Variants in KCNIP4 observed in about 807,000 individuals in gnomAD.
The protein encoded by KCNIP4 is Kv channel-interacting protein 4.
KCNIP4 carries 12 observed loss-of-function variants against 34.0 expected under a neutral mutation model. The ratio of observed to expected loss-of-function variants is 0.35; its 90% CI spans 0.23 to 0.57. The LOEUF (loss-of-function observed/expected upper bound fraction) is 0.57. Ranked by LOEUF, KCNIP4 falls within the 20% of genes least tolerant of loss-of-function variation. The probability of loss-of-function intolerance (pLI) is 0.83; values close to 1 mark genes in which losing one functional copy is unlikely to be tolerated. For missense variants in KCNIP4, 238 were observed against 311.7 expected (o/e 0.76, Z 1.78); for synonymous variants, 124 against 102.2 (o/e 1.21, Z -1.29).
intron 1 of KCNIP4, among the ~76,000 whole-genome samples, chr4:21,794,108 C>T (rs1577998283): frequency 6.6e-6 from 1 of 152,032 alleles, no homozygotes; most frequent in Non-Finnish European, 1.5e-5. Context: ...GAACATCACA[C>T]AATGGGGCCT....
At chr4:20,912,872 G>A (rs1195641814) in intron 1 of KCNIP4, among the ~76,000 whole-genome samples, 1 of 152,080 alleles carries the variant, frequency 6.6e-6, no homozygotes, top group Non-Finnish European at 1.5e-5. Flanking sequence ...AAAAAAGGAG[G>A]ACAATTATTT....
chr4:21,611,913 G>A (rs1744191600), intron 1 of KCNIP4, among the ~76,000 whole-genome samples: 1 of 152,134 alleles, frequency 6.6e-6, no homozygotes, highest in Non-Finnish European at 1.5e-5. Context: ...CAGGATCACT[G>A]TTTGCATTCT....
At position 21,153,495 on chromosome 4, in the gene KCNIP4, T is replaced by TTA. The variant is rs1378972866; in HGVS notation, c.62-270788_62-270787dup. On this transcript the variant is annotated intron_variant, in intron 1 of 8. Transcript: ENST00000382152. ...TATATATACATATATATGTGTATAT[T>TTA]TATATATATATGTGTGTGTGTATAT... Among the ~76,000 whole-genome samples, 207 of 124,460 alleles carry TTA rather than the reference T, an allele frequency of 1.7e-3. 2 individuals carry two copies. The highest frequency in any genetic ancestry group is 5.5e-3 in the African/African-American group (184 of 33,192). 81.7% of individuals were successfully genotyped at this position (124,460 alleles called of 152,430 possible).
intron 1 of KCNIP4, among the ~76,000 whole-genome samples, chr4:21,702,528 A>T (rs1451819166): frequency 6.6e-6 from 1 of 152,140 alleles, no homozygotes; most frequent in East Asian, 1.9e-4. Flanking sequence ...AAAAATACAA[A>T]CTAAAATAAT....
chr4:21,035,546 G>C (rs28609568), intron 1 of KCNIP4, among the ~76,000 whole-genome samples: 1 of 152,162 alleles, frequency 6.6e-6, no homozygotes, highest in African/African-American at 2.4e-5. Flanking sequence ...TTCATTGCTG[G>C]TGAGGTCTAG....
intron 1 of KCNIP4, among the ~76,000 whole-genome samples, chr4:21,128,167 G>C (rs1467002889): frequency 1.3e-5 from 2 of 152,118 alleles, no homozygotes; most frequent in Non-Finnish European, 2.9e-5. Flanking sequence ...GGAGAAACCA[G>C]AACAGCTTGA....
chr4:21,914,379 T>C (rs1473742326), intron 1 of KCNIP4, among the ~76,000 whole-genome samples: 1 of 152,074 alleles, frequency 6.6e-6, no homozygotes, highest in East Asian at 1.9e-4. Flanking sequence ...CGTTGTGAGA[T>C]GCAAAATCCC....
intron 1 of KCNIP4, among the ~76,000 whole-genome samples, chr4:21,903,933 C>T (rs1279703660): frequency 6.6e-6 from 1 of 152,110 alleles, no homozygotes; most frequent in East Asian, 1.9e-4. Flanking sequence ...TTTATCGTCT[C>T]ATATCTTCAA....
intron 1 of KCNIP4, among the ~76,000 whole-genome samples, chr4:21,879,357 C>T (rs1364031838): frequency 1.3e-5 from 2 of 152,206 alleles, no homozygotes; most frequent in African/African-American, 4.8e-5. Context: ...CTACTCACCC[C>T]TATCCCTCAG....
chr4:21,578,935 T>TA (rs1034124536), intron 1 of KCNIP4, among the ~76,000 whole-genome samples: 1 of 152,170 alleles, frequency 6.6e-6, no homozygotes, highest in Non-Finnish European at 1.5e-5. Context: ...GCTTAACAAA[T>TA]ATCAGTAGAA....
chr4:21,673,951 C>T (rs1358854576), intron 1 of KCNIP4, among the ~76,000 whole-genome samples: 1 of 152,100 alleles, frequency 6.6e-6, no homozygotes, highest in East Asian at 1.9e-4. Flanking sequence ...TTTAAAAAAT[C>T]CTAACTCATT....
chr4:20,759,035 C>A, intron 3 of KCNIP4, 145 bp from the exon 4 acceptor site: 2 of 602,746 alleles, frequency 3.3e-6, no homozygotes, highest in South Asian at 2.3e-5. Flanking sequence ...GGAATAAAAG[C>A]ACACTATAAA....
chr4:20,902,680 G>A lies in KCNIP4; in HGVS notation c.62-19971C>T, dbSNP rs745391298. Among the ~76,000 whole-genome samples, 17 of 151,884 alleles carry A rather than the reference G, an allele frequency of 1.1e-4. No individual in the cohort carries two copies. The South Asian group carries it at 1.3e-3, about 11-fold the overall frequency. ...GGTTACAGGTACCTGCCACCACACC[G>A]GGCTAATTTGTGTATTTTTAGTAGA... On this transcript the variant is annotated intron_variant, in intron 1 of 8. Coordinates refer to ENST00000382152, the MANE Select transcript of KCNIP4 (RefSeq NM_025221.6).
intron 1 of KCNIP4, among the ~76,000 whole-genome samples, chr4:21,409,529 C>A (rs1724303896): frequency 6.6e-6 from 1 of 151,874 alleles, no homozygotes; most frequent in Admixed American, 6.6e-5. Context: ...AAAAATACTG[C>A]AACATTTATA....
At chr4:21,344,248 G>A (rs1488048884) in intron 1 of KCNIP4, among the ~76,000 whole-genome samples, 1 of 152,142 alleles carries the variant, frequency 6.6e-6, no homozygotes, top group East Asian at 1.9e-4. Flanking sequence ...TCCATCTAAT[G>A]TGGACTGTGA....
intron 1 of KCNIP4, among the ~76,000 whole-genome samples, chr4:21,481,647 G>A (rs1054793222): frequency 2.6e-5 from 4 of 152,154 alleles, no homozygotes; most frequent in Non-Finnish European, 1.5e-5. Flanking sequence ...ATTTGAGCTT[G>A]GCACTGGTGG....
intron 1 of KCNIP4, among the ~76,000 whole-genome samples, chr4:20,976,634 T>A (rs922218014): frequency 1.3e-5 from 2 of 152,092 alleles, no homozygotes; most frequent in Non-Finnish European, 2.9e-5. Context: ...TCCCTTATTA[T>A]GTGAGAGAAG....
At chr4:20,965,087 G>T (rs1376899240) in intron 1 of KCNIP4, among the ~76,000 whole-genome samples, 2 of 152,092 alleles carry the variant, frequency 1.3e-5, no homozygotes, top group South Asian at 4.1e-4. Flanking sequence ...CCTTCTGTTT[G>T]GGATTTGCCT....
chr4:21,732,029 T>A (rs539395695), intron 1 of KCNIP4, among the ~76,000 whole-genome samples: 85 of 150,718 alleles, frequency 5.6e-4, no homozygotes, highest in African/African-American at 1.7e-3. Context: ...TATATAAAAA[T>A]ATATATATAT....
Sources: allele counts gnomAD v4.1 joint callset (sites outside exome capture counted in the v4.1 genomes callset), GRCh38; gene constraint gnomAD v4.1.1; transcripts MANE v1.5; gene names NCBI Gene and HGNC (gene_info 2026-07-23, HGNC 2026-07-21).